LAMA2: variants seen among roughly 807,000 people sequenced by gnomAD.
LAMA2 encodes laminin subunit alpha 2.
A neutral mutation model predicts 364.8 loss-of-function variants in LAMA2; 269 were observed. The ratio of observed to expected loss-of-function variants is 0.74; its 90% CI spans 0.67 to 0.82. LAMA2 has a LOEUF of 0.82. LAMA2 is among the 40% of genes least tolerant of loss of function. LAMA2 has a pLI of 0.00. For missense variants in LAMA2, 3,807 were observed against 3,873.2 expected, an observed-to-expected ratio of 0.98 and a Z score of 0.45; for synonymous variants, 1,379 against 1,370.6, an observed-to-expected ratio of 1.01 and a Z score of -0.14.
chr6:129,456,279 T>C (rs962841979), intron 47 of LAMA2, 56 bp from the exon 48 acceptor site: 2 of 1,450,498 alleles, frequency 1.4e-6, no homozygotes, highest in South Asian at 1.1e-5. Flanking sequence ...AGAAATGTGA[T>C]GCATATTTCA....
At chr6:129,077,298 G>A (rs566539821) in intron 3 of LAMA2, among the ~76,000 whole-genome samples, 32 of 152,060 alleles carry the variant, frequency 2.1e-4, no homozygotes, top group East Asian at 1.9e-3. Flanking sequence ...TTTATAAAAC[G>A]AAATACAAAA....
At chr6:129,220,259 A>C (rs1783734471) in intron 12 of LAMA2, among the ~76,000 whole-genome samples, 1 of 152,196 alleles carries the variant, frequency 6.6e-6, no homozygotes. Context: ...TCCTTCAAAA[A>C]ACATATAGTG....
intron 12 of LAMA2, among the ~76,000 whole-genome samples, chr6:129,216,919 G>C (rs1452536584): frequency 2.0e-5 from 3 of 152,150 alleles, no homozygotes; most frequent in Non-Finnish European, 4.4e-5. Flanking sequence ...GGTTGGGCGT[G>C]GGGGCTCATG....
Position 129,323,727 on chromosome 6 carries a change from T to C in LAMA2, c.4176+3072T>C, listed in dbSNP as rs370795614. Among the ~76,000 whole-genome samples the C allele has an allele frequency of 1.6e-4, 24 of 152,354 alleles. 1 individual carries two copies. The South Asian group carries it at 5.0e-3, about 32-fold the overall frequency. On this transcript the variant is annotated intron_variant, in intron 28 of 64. Transcript: ENST00000421865. Reference sequence around the variant, plus strand: ...TATATGCAGGTACCATTCTTACTTATGACTTTCTTTCTTAAATATGGAAAA... The same window carrying C: ...TATATGCAGGTACCATTCTTACTTACGACTTTCTTTCTTAAATATGGAAAA...
intron 3 of LAMA2, among the ~76,000 whole-genome samples, chr6:129,092,016 A>T (rs1157229018): frequency 6.6e-6 from 1 of 152,220 alleles, no homozygotes; most frequent in African/African-American, 2.4e-5. Context: ...GCTTTGAGTG[A>T]ATCCTCTGTT....
chr6:128,950,658 C>T (rs545574511), intron 1 of LAMA2, among the ~76,000 whole-genome samples: 1 of 152,090 alleles, frequency 6.6e-6, no homozygotes, highest in South Asian at 2.1e-4. Flanking sequence ...GTTATGTCAC[C>T]TCTCATGCCT....
chr6:129,200,062 G>C (rs1782093105), intron 12 of LAMA2, among the ~76,000 whole-genome samples: 1 of 149,854 alleles, frequency 6.7e-6, no homozygotes, highest in Non-Finnish European at 1.5e-5. Context: ...CTGGGGCATA[G>C]AGCGAGACCC....
chr6:129,268,026 G>A (rs552421797), intron 16 of LAMA2, among the ~76,000 whole-genome samples: 111 of 152,134 alleles, frequency 7.3e-4, no homozygotes, highest in African/African-American at 2.6e-3. Flanking sequence ...AAGAATTTAA[G>A]GCGGATTCTG....
At chr6:129,435,581 C>T (rs779576169) in intron 41 of LAMA2, among the ~76,000 whole-genome samples, 7 of 151,988 alleles carry the variant, frequency 4.6e-5, no homozygotes, top group Non-Finnish European at 8.8e-5. Flanking sequence ...GTTTTAGAGC[C>T]GTGCTTTGCT....
chr6:129,172,570 C>G (rs1382049159), intron 9 of LAMA2, among the ~76,000 whole-genome samples: 1 of 152,234 alleles, frequency 6.6e-6, no homozygotes, highest in African/African-American at 2.4e-5. Context: ...AACCACTGCT[C>G]TCTTCAAAGC....
intron 28 of LAMA2, among the ~76,000 whole-genome samples, chr6:129,322,311 C>G (rs1037377670): frequency 6.6e-6 from 1 of 152,170 alleles, no homozygotes; most frequent in African/African-American, 2.4e-5. Flanking sequence ...GTAAGCACTG[C>G]TCTTTCCAAT....
At chr6:129,315,398 C>G (rs1774515672) in intron 24 of LAMA2, 78 bp from the exon 25 acceptor site, 1 of 1,229,952 alleles carries the variant, frequency 8.1e-7, no homozygotes, top group Non-Finnish European at 1.2e-6. Context: ...TGCAGATAGA[C>G]ATGCAGTTCG....
rs902350559 is a variant in LAMA2, at chr6:129,412,122, G to A, written c.5865+8163G>A. 2.6e-5 allele frequency among the ~76,000 whole-genome samples: 4 copies of A among 152,002 alleles called. No homozygotes were observed. The East Asian group carries it at 5.8e-4, about 22-fold the overall frequency. On this transcript the variant is annotated intron_variant, in intron 40 of 64. Transcript: ENST00000421865. ...GTTCTCCAGAGAAACAGAACAAATT[G>A]GAAGTGTATATATACACAGATATAT...
At chr6:129,181,284 A>G (rs1780909425) in intron 10 of LAMA2, among the ~76,000 whole-genome samples, 1 of 152,142 alleles carries the variant, frequency 6.6e-6, no homozygotes, top group Non-Finnish European at 1.5e-5. Flanking sequence ...AAAGGAAACC[A>G]GTAGCCACAA....
At chr6:128,934,146 T>C (rs1242515124) in intron 1 of LAMA2, among the ~76,000 whole-genome samples, 1 of 152,196 alleles carries the variant, frequency 6.6e-6, no homozygotes, top group Admixed American at 6.5e-5. Flanking sequence ...AAATCATTCT[T>C]TTGCATGTGG....
chr6:128,916,636 A>G (rs1432085014), intron 1 of LAMA2, among the ~76,000 whole-genome samples: 2 of 152,160 alleles, frequency 1.3e-5, no homozygotes, highest in Non-Finnish European at 2.9e-5. Context: ...ATAGTGCTCC[A>G]TGGTTCTTTC....
chr6:128,995,525 T>C (rs951136795), intron 1 of LAMA2, among the ~76,000 whole-genome samples: 2 of 152,182 alleles, frequency 1.3e-5, no homozygotes, highest in African/African-American at 4.8e-5. Context: ...GGTTTCGCCG[T>C]GTTGGCCGGG....
intron 1 of LAMA2, among the ~76,000 whole-genome samples, chr6:128,897,468 T>C (rs1051397285): frequency 3.3e-5 from 5 of 152,252 alleles, no homozygotes; most frequent in African/African-American, 1.2e-4. Flanking sequence ...TGTGCTTTTT[T>C]TCTCTTTGTT....
intron 1 of LAMA2, among the ~76,000 whole-genome samples, chr6:128,896,103 G>A (rs1203586352): frequency 6.6e-6 from 1 of 152,130 alleles, no homozygotes; most frequent in African/African-American, 2.4e-5. Context: ...ACACTGATGG[G>A]TCTGAACATG....
Sources: gnomAD v4.1 joint callset for allele counts (sites outside exome capture counted in the v4.1 genomes callset) on GRCh38, gnomAD v4.1.1 for gene constraint, MANE v1.5 for transcripts, NCBI Gene and HGNC (gene_info 2026-07-23, HGNC 2026-07-21) for gene names.